The following PRUNE2 variants were observed in gnomAD, a reference collection of about 807,000 sequenced individuals.
PRUNE2 encodes the protein protein prune homolog 2.
PRUNE2 carries 164 observed loss-of-function variants against 252.0 expected under a neutral mutation model. The observed-to-expected ratio is 0.65, with a 90% CI of 0.57 to 0.74. PRUNE2 has a LOEUF of 0.74. Among genes scored for constraint, PRUNE2 ranks in the 30% least tolerant of loss-of-function variants. PRUNE2 has a pLI of 0.00. For synonymous variants in PRUNE2, 1,292 were observed against 1,350.2 expected (o/e 0.96, Z 0.94); for missense variants, 3,495 against 3,711.0 (o/e 0.94, Z 1.51).
intron 6 of PRUNE2, among the ~76,000 whole-genome samples, chr9:76,783,057 T>G (rs907981165): frequency 6.6e-6 from 1 of 152,196 alleles, no homozygotes; most frequent in Non-Finnish European, 1.5e-5. Context: ...ATAGTAGGTA[T>G]TGTGGTGATT....
chr9:76,687,332 C>T (rs1054939030), intron 9 of PRUNE2, among the ~76,000 whole-genome samples: 1 of 152,162 alleles, frequency 6.6e-6, no homozygotes, highest in African/African-American at 2.4e-5. Context: ...ATCAACCTTT[C>T]CTGGATATTT....
At chr9:76,810,572 T>C (rs551806239) in intron 6 of PRUNE2, among the ~76,000 whole-genome samples, 6 of 152,312 alleles carry the variant, frequency 3.9e-5, no homozygotes, top group Admixed American at 3.3e-4. Context: ...AATAATCCAC[T>C]CTTCTCCAAC....
intron 6 of PRUNE2, among the ~76,000 whole-genome samples, chr9:76,742,759 T>A (rs1261367273): frequency 6.6e-6 from 1 of 151,982 alleles, no homozygotes; most frequent in African/African-American, 2.4e-5. Context: ...ATCTCATGAG[T>A]AAATCAAGAA....
intron 2 of PRUNE2, among the ~76,000 whole-genome samples, chr9:76,853,295 G>C (rs2060069670): frequency 6.6e-6 from 1 of 152,152 alleles, no homozygotes; most frequent in Admixed American, 6.6e-5. Context: ...TCTGCCTACT[G>C]TCAGGGGCCA....
chr9:76,810,962 A>T (rs7861202), intron 6 of PRUNE2, among the ~76,000 whole-genome samples: 42,382 of 152,124 alleles, frequency 0.28, 6,066 homozygotes, highest in Middle Eastern at 0.39. Context: ...ATTGCATATG[A>T]TTCTCAGGAG....
rs2046215309 is a variant in PRUNE2 at position 76,705,068 on chromosome 9, T to C, written c.7206A>G (p.Thr2402=). 1 of 1,614,044 alleles carries C rather than the reference T, an allele frequency of 6.2e-7. No individual in the cohort carries two copies. The highest frequency in any genetic ancestry group is 8.5e-7 in the Non-Finnish European group (1 of 1,179,902). The change falls in exon 8 of 19, where the codon ACA becomes ACG. Residue 2402 remains threonine, a synonymous_variant. Transcript: ENST00000376718. The part of the protein sequence containing the change: ...YTPPFDLSYL[T]EPAQSAETIE... ...TTGTTTCAGCACTCTGGGCAGGTTC[T>C]GTGAGATAAGACAAATCAAAGGGAG...
At chr9:76,740,341 T>A (rs1386283486) in intron 6 of PRUNE2, 1 of 147,800 alleles carries the variant, frequency 6.8e-6, no homozygotes, top group Non-Finnish European at 1.5e-5. Context: ...CCCAGCTACT[T>A]GGGAGGCTGA....
chr9:76,850,956 T>C (rs2059923516), intron 2 of PRUNE2, among the ~76,000 whole-genome samples: 3 of 150,710 alleles, frequency 2.0e-5, no homozygotes, highest in Admixed American at 2.0e-4. Context: ...ATACTACATA[T>C]GATTAAAATT....
intron 9 of PRUNE2, among the ~76,000 whole-genome samples, chr9:76,697,582 T>C (rs2045506825): frequency 6.6e-6 from 1 of 152,150 alleles, no homozygotes; most frequent in Admixed American, 6.5e-5. Flanking sequence ...GCTCAGTCTG[T>C]CTCAAAATAT....
chr9:76,837,442 A>AATATT (rs1554798670), intron 4 of PRUNE2, among the ~76,000 whole-genome samples: 275 of 3,248 alleles, frequency 0.085, 6 homozygotes, highest in East Asian at 0.15. Context: ...CTCTGTCTCA[A>AATATT]ATAATAATAA....
chr9:76,631,825 C>T (rs896339228), intron 15 of PRUNE2, among the ~76,000 whole-genome samples: 1 of 152,186 alleles, frequency 6.6e-6, no homozygotes, highest in African/African-American at 2.4e-5. Context: ...TGTCCTCCAC[C>T]CTCCACCCTC....
intron 18 of PRUNE2, among the ~76,000 whole-genome samples, chr9:76,615,551 G>A (rs756880812): frequency 1.3e-5 from 2 of 152,070 alleles, no homozygotes; most frequent in South Asian, 2.1e-4. Flanking sequence ...CAGCAATTCC[G>A]TCACTTATTA....
intron 1 of PRUNE2, among the ~76,000 whole-genome samples, chr9:76,854,958 C>G (rs1480313588): frequency 6.7e-6 from 1 of 149,202 alleles, no homozygotes; most frequent in African/African-American, 2.5e-5. Context: ...TCCAGCTATT[C>G]AGGAGGCTGA....
In PRUNE2 at chr9:76,705,705, G is replaced by A. The variant is rs373075973; in HGVS notation, c.6569C>T (p.Pro2190Leu). The change falls in exon 8 of 19, where the codon CCT becomes CTT. Residue 2190 changes from proline to leucine, a missense_variant. Physicochemically the swap from Pro to Leu is moderately conservative, Grantham distance 98. Transcript: ENST00000376718. ...GTCACCGTTTATTTCAGAAGGTTCAGGTGAACCTTTATGAGAGGCGGGCTG... is the reference window on the plus strand; with the variant it reads ...GTCACCGTTTATTTCAGAAGGTTCAAGTGAACCTTTATGAGAGGCGGGCTG... ...SSQPASHKGS[P>L]EPSEINGDNS... 2 of 1,613,904 alleles carry A rather than the reference G, an allele frequency of 1.2e-6. No homozygotes were observed. The highest frequency in any genetic ancestry group is 1.7e-6 in the Non-Finnish European group (2 of 1,179,796).
At chr9:76,615,029 G>A (rs1263072135) in intron 18 of PRUNE2, 1 of 877,652 alleles carries the variant, frequency 1.1e-6, no homozygotes, top group East Asian at 1.2e-4. Context: ...GTAAGAAATG[G>A]TAAACAACAA....
chr9:76,875,205 C>A (rs1469604035), intron 1 of PRUNE2, among the ~76,000 whole-genome samples: 1 of 151,286 alleles, frequency 6.6e-6, no homozygotes, highest in African/African-American at 2.4e-5. Context: ...CAAAACTCTG[C>A]TCAAATATCA....
At chr9:76,672,977 C>A (rs1308620316) in intron 9 of PRUNE2, among the ~76,000 whole-genome samples, 3 of 147,644 alleles carry the variant, frequency 2.0e-5, no homozygotes, top group Non-Finnish European at 3.0e-5. Context: ...GACACCCTAA[C>A]ATCACAATTA....
At chr9:76,721,867 A>T (rs1035077438) in intron 6 of PRUNE2, among the ~76,000 whole-genome samples, 9 of 152,226 alleles carry the variant, frequency 5.9e-5, no homozygotes, top group Non-Finnish European at 1.0e-4. Flanking sequence ...GATTTATGCA[A>T]CCAAAATTCC....
chr9:76,703,282 G>A (rs1444905924), intron 9 of PRUNE2, 55 bp downstream of exon 9: 12 of 1,475,508 alleles, frequency 8.1e-6, no homozygotes, highest in African/African-American at 1.4e-5. Context: ...CCATTTCCCA[G>A]GTTTCTAAAT....
Sources: allele counts gnomAD v4.1 joint callset (sites outside exome capture counted in the v4.1 genomes callset), GRCh38; gene constraint gnomAD v4.1.1; transcripts MANE v1.5; gene names NCBI Gene and HGNC (gene_info 2026-07-23, HGNC 2026-07-21).